The following RAB20 variants were observed in gnomAD, a reference collection of about 807,000 sequenced individuals.
The protein encoded by RAB20 is ras-related protein Rab-20.
In RAB20, 2 loss-of-function variants were observed where a neutral mutation model predicts 3.7. The observed-to-expected ratio is 0.54, with a 90% CI of 0.22 to 1.69. The LOEUF is 1.69. Among genes scored for constraint, RAB20 ranks in the 40% most tolerant of loss-of-function variants. RAB20 has a pLI of 0.19. For missense variants in RAB20, 276 were observed against 311.9 expected (o/e 0.88, Z 0.87); for synonymous variants, 126 against 130.8 (o/e 0.96, Z 0.25).
chr13:110,548,000 G>C (rs1466942304), intron 1 of RAB20, among the ~76,000 whole-genome samples: 1 of 152,182 alleles, frequency 6.6e-6, no homozygotes, highest in Non-Finnish European at 1.5e-5. Context: ...TTCTATAACT[G>C]TGAAGCTACC....
intron 1 of RAB20, among the ~76,000 whole-genome samples, chr13:110,527,699 G>T (rs1253343088): frequency 1.3e-5 from 2 of 152,122 alleles, no homozygotes; most frequent in Non-Finnish European, 2.9e-5. Flanking sequence ...AAGCTGGACT[G>T]GACCCCAGCA....
At chr13:110,535,070 G>C (rs1175874835) in intron 1 of RAB20, among the ~76,000 whole-genome samples, 2 of 152,222 alleles carry the variant, frequency 1.3e-5, no homozygotes, top group Admixed American at 1.3e-4. Context: ...CTGAGCTCAA[G>C]TGATCCCCCC....
intron 1 of RAB20, among the ~76,000 whole-genome samples, chr13:110,539,889 T>C (rs2139581663): frequency 6.6e-6 from 1 of 152,316 alleles, no homozygotes; most frequent in Middle Eastern, 3.4e-3. Flanking sequence ...CAAATCTGCA[T>C]GTGTCATTTC....
intron 1 of RAB20, among the ~76,000 whole-genome samples, chr13:110,549,773 T>G (rs1186622045): frequency 6.6e-6 from 1 of 151,680 alleles, no homozygotes; most frequent in Non-Finnish European, 1.5e-5. Flanking sequence ...CGGGCTGGAG[T>G]GCAGTGGCAC....
chr13:110,542,431 C>G (rs1594134832), intron 1 of RAB20, among the ~76,000 whole-genome samples: 1 of 152,312 alleles, frequency 6.6e-6, no homozygotes, highest in South Asian at 2.1e-4. Context: ...AGAACTTATT[C>G]AGCCTGCAGA....
chr13:110,547,441 A>G (rs919557477), intron 1 of RAB20, among the ~76,000 whole-genome samples: 1 of 152,252 alleles, frequency 6.6e-6, no homozygotes, highest in African/African-American at 2.4e-5. Context: ...TGGGTGCAGC[A>G]GGACTTTTCT....
At chr13:110,556,679 G>T (rs532837738) in intron 1 of RAB20, among the ~76,000 whole-genome samples, 1 of 151,920 alleles carries the variant, frequency 6.6e-6, no homozygotes, top group South Asian at 2.1e-4. Flanking sequence ...GACTACAGGT[G>T]CGCACCACTA....
At chr13:110,530,926 A>G (rs1884527799) in intron 1 of RAB20, among the ~76,000 whole-genome samples, 1 of 152,258 alleles carries the variant, frequency 6.6e-6, no homozygotes, top group South Asian at 2.1e-4. Flanking sequence ...ATGAGGTTTA[A>G]GTTCTGTCTA....
At chr13:110,557,803 C>CT (rs1203323627) in intron 1 of RAB20, among the ~76,000 whole-genome samples, 1 of 152,240 alleles carries the variant, frequency 6.6e-6, no homozygotes, top group African/African-American at 2.4e-5. Context: ...CTGCTCCCCC[C>CT]GCCTCCCGGC....
In RAB20 at chr13:110,555,048, C is replaced by T. The variant is rs1345514942; in HGVS notation, c.172+6300G>A. On this transcript the variant is annotated intron_variant, in intron 1 of 1. Transcript: ENST00000267328. The surrounding 1 kb of genome is among the most constrained non-coding windows in gnomAD (Gnocchi z 4.0). ...CTCCCCTCTGTAAGATGCTGCTTCC[C>T]AGTCTGTAGGACGGCAACGTTGACG... Among the ~76,000 whole-genome samples the T allele has an allele frequency of 6.6e-6, 1 of 152,110 alleles. No individual in the cohort carries two copies. Among genetic ancestry groups the T allele is most frequent in the African/African-American group, 2.4e-5 (1 of 41,434 alleles).
Position 110,532,570 on chromosome 13 carries a change from T to C in RAB20, c.173-8373A>G, listed in dbSNP as rs549316065. Among the ~76,000 whole-genome samples the C allele has an allele frequency of 2.6e-5, 4 of 152,066 alleles. No individual in the cohort carries two copies. The South Asian group carries it at 6.2e-4, about 24-fold the overall frequency. On this transcript the variant is annotated intron_variant, in intron 1 of 1. Transcript: ENST00000267328. Reference sequence around the variant, plus strand: ...TTTTGTACTATTAGTAGGGACAGGGTTTCACCATGTTGGCCAGGCTGGTCT... The same window carrying C: ...TTTTGTACTATTAGTAGGGACAGGGCTTCACCATGTTGGCCAGGCTGGTCT...
chr13:110,535,135 A>T (rs1335861252), intron 1 of RAB20, among the ~76,000 whole-genome samples: 1 of 152,254 alleles, frequency 6.6e-6, no homozygotes, highest in Non-Finnish European at 1.5e-5. Flanking sequence ...CGCCCAGCCC[A>T]GGAACATCTT....
At position 110,555,208 on chromosome 13, in the gene RAB20, G is replaced by A. The variant is rs757102761; in HGVS notation, c.172+6140C>T. On this transcript the variant is annotated intron_variant, in intron 1 of 1. Transcript: ENST00000267328. This position sits in a 1 kb window ranked among gnomAD's most constrained non-coding sequence, Gnocchi z 4.0. ...GAAGCACGAGTTTCGGAGGCAGCCCGTCCTGTTACACACAGGCCACACCTG... is the reference window on the plus strand; with the variant it reads ...GAAGCACGAGTTTCGGAGGCAGCCCATCCTGTTACACACAGGCCACACCTG... Among the ~76,000 whole-genome samples the A allele has an allele frequency of 5.9e-5, 9 of 152,260 alleles. No homozygotes were observed. Among genetic ancestry groups the A allele is most frequent in the East Asian group, 1.9e-4 (1 of 5,180 alleles).
At position 110,524,008 on chromosome 13, in the gene RAB20, C is replaced by T. The variant is rs148925949; in HGVS notation, c.362G>A (p.Gly121Glu). Reference sequence around the variant, plus strand: ...TTCCTTCTCCTGGCCCGCCAAGGCCCCCTCCTCAGTGAGGTCCACTTTGTT... The same window carrying T: ...TTCCTTCTCCTGGCCCGCCAAGGCCTCCTCCTCAGTGAGGTCCACTTTGTT... The part of the protein sequence containing the change: ...VGNKVDLTEE[G>E]ALAGQEKEEC... Residue 121 changes from glycine (G) to glutamate (E), a missense_variant, in exon 2 of 2, where the codon GGG (glycine) becomes GAG (glutamate). By Grantham distance (98) the Gly-to-Glu change is moderately conservative (BLOSUM62 -2). Transcript: ENST00000267328. 740 of 1,614,046 alleles carry T rather than the reference C, an allele frequency of 4.6e-4. 2 individuals are homozygous for T. Among genetic ancestry groups the T allele is most frequent in the Non-Finnish European group, 5.8e-4 (687 of 1,180,038 alleles).
At chr13:110,548,700 C>G (rs886598768) in intron 1 of RAB20, among the ~76,000 whole-genome samples, 6 of 151,964 alleles carry the variant, frequency 3.9e-5, no homozygotes, top group Admixed American at 3.9e-4. Flanking sequence ...TTAACCAGCT[C>G]AGTGCCAGGA....
chr13:110,547,794 C>G (rs1353717841), intron 1 of RAB20, among the ~76,000 whole-genome samples: 2 of 152,200 alleles, frequency 1.3e-5, no homozygotes, highest in African/African-American at 4.8e-5. Flanking sequence ...AAGGCCAAAG[C>G]TATAAGGCCA....
At chr13:110,526,688 C>T (rs140152534) in intron 1 of RAB20, among the ~76,000 whole-genome samples, 63 of 152,296 alleles carry the variant, frequency 4.1e-4, no homozygotes, top group African/African-American at 1.5e-3. Context: ...CAAATATTGG[C>T]AGCAAACTGC....
Position 110,536,401 on chromosome 13 carries a change from G to A in RAB20, c.173-12204C>T, listed in dbSNP as rs572197480. On this transcript the variant is annotated intron_variant, in intron 1 of 1. Transcript: ENST00000267328. ...GCCTCCCCCTAGACAGGCACCGAAA[G>A]TCAGGAAGAATGATATCTCCTCTCA... Among the ~76,000 whole-genome samples the A allele has an allele frequency of 2.8e-3, 422 of 152,326 alleles. 3 individuals carry two copies. The highest frequency in any genetic ancestry group is 9.2e-3 in the African/African-American group (381 of 41,566).
chr13:110,544,909 AT>A (rs1439363057), intron 1 of RAB20, among the ~76,000 whole-genome samples: 5 of 152,252 alleles, frequency 3.3e-5, no homozygotes, highest in African/African-American at 1.2e-4. Context: ...AGGCAATTGA[AT>A]CATGGGGGCA....
Sources: gnomAD v4.1 joint callset for allele counts (sites outside exome capture counted in the v4.1 genomes callset) on GRCh38, gnomAD v4.1.1 for gene constraint, Gnocchi (gnomAD v3.1) non-coding constraint, MANE v1.5 for transcripts, NCBI Gene and HGNC (gene_info 2026-07-23, HGNC 2026-07-21) for gene names.